Variants in MS4A10 observed in about 807,000 individuals in gnomAD.
MS4A10 encodes the protein membrane spanning 4-domains A10.
MS4A10 carries 27 observed loss-of-function variants against 27.7 expected under a neutral mutation model. That is an observed-to-expected ratio of 0.98 (90% CI 0.72 to 1.35). The LOEUF is 1.35. MS4A10 is among the 40% of genes most tolerant of loss of function. The pLI is 0.00. For missense variants in MS4A10, 338 were observed against 324.7 expected (o/e 1.04, Z -0.32); for synonymous variants, 139 against 131.2 (o/e 1.06, Z -0.41).
intron 1 of MS4A10, among the ~76,000 whole-genome samples, chr11:60,786,934 C>T (rs1854350012): frequency 6.6e-6 from 1 of 152,200 alleles, no homozygotes; most frequent in South Asian, 2.1e-4. Context: ...GTCAAAGCTC[C>T]GGGGAGCAGA....
At position 60,800,229 on chromosome 11, in the gene MS4A10, C is replaced by T; in HGVS notation, c.*320C>T. On this transcript the variant is annotated 3_prime_UTR_variant, in exon 8 of 8. Transcript: ENST00000308287. ...ACAGTGGCACTATCTCAGCTCACTG[C>T]AATCTCCGCCTCCCTGGTTCAAGTG... The T allele has an allele frequency of 3.3e-6, 1 of 305,226 alleles. No homozygotes were observed. The highest frequency in any genetic ancestry group is 6.1e-6 in the Non-Finnish European group (1 of 162,872). The allele number at this position is 305,226 out of a possible 1,614,324, so 18.9% of individuals were successfully genotyped here.
intron 1 of MS4A10, among the ~76,000 whole-genome samples, chr11:60,788,025 G>GAAATAAAT (rs71471805): frequency 3.9e-4 from 59 of 151,126 alleles, no homozygotes; most frequent in African/African-American, 9.3e-4. Flanking sequence ...CTCAAAAATA[G>GAAATAAAT]AAATAAATAA....
rs950997227 is a variant in MS4A10 at position 60,795,763 on chromosome 11, C to T, written c.603+98C>T. On this transcript the variant is annotated intron_variant, in intron 6 of 7. Transcript: ENST00000308287. ...AGATATGTGGGGGTTACAAGAGGAG[C>T]GTGTTTCATTCATTCCTCACGTTGC... 4.5e-5 allele frequency: 30 copies of T among 673,244 alleles called. 1 individual carries two copies. Among genetic ancestry groups the T allele is most frequent in the Non-Finnish European group, 6.0e-5 (27 of 452,034 alleles). The allele number at this position is 673,244 out of a possible 1,614,324, so 41.7% of individuals were successfully genotyped here. A position where few individuals can be genotyped will look rare whatever the true frequency, so the allele number is the denominator to read the frequency against.
chr11:60,797,754 A>G (rs1854553329), intron 6 of MS4A10, among the ~76,000 whole-genome samples: 1 of 152,294 alleles, frequency 6.6e-6, no homozygotes, highest in African/African-American at 2.4e-5. Flanking sequence ...GCTTCTCCCT[A>G]CTGCACTAGC....
chr11:60,792,127 C>G, intron 3 of MS4A10, 138 bp from the exon 4 acceptor site: 1 of 697,566 alleles, frequency 1.4e-6, no homozygotes, highest in Non-Finnish European at 2.5e-6. Flanking sequence ...GAGGAGCTCA[C>G]TTTGCTGGAG....
At chr11:60,790,672 T>C (rs1227700364) in intron 2 of MS4A10, among the ~76,000 whole-genome samples, 154 bp downstream of exon 2, 1 of 152,174 alleles carries the variant, frequency 6.6e-6, no homozygotes, top group African/African-American at 2.4e-5. Flanking sequence ...GCCTTGAAGA[T>C]TGGAGAGAAT....
chr11:60,798,583 A>G, intron 7 of MS4A10, 69 bp downstream of exon 7: 2 of 1,219,890 alleles, frequency 1.6e-6, no homozygotes, highest in Non-Finnish European at 2.4e-6. Context: ...CCTGGCATAG[A>G]TAGAAACCAG....
At chr11:60,796,781 G>C (rs1416949444) in intron 6 of MS4A10, among the ~76,000 whole-genome samples, 2 of 151,926 alleles carry the variant, frequency 1.3e-5, no homozygotes, top group Non-Finnish European at 2.9e-5. Flanking sequence ...TAAAATAGAA[G>C]GCAAGTCTCT....
chr11:60,797,449 C>T (rs921811538), intron 6 of MS4A10, among the ~76,000 whole-genome samples: 1 of 152,116 alleles, frequency 6.6e-6, no homozygotes, highest in East Asian at 1.9e-4. Flanking sequence ...GCATCCCTTC[C>T]GGGGGCATCA....
At chr11:60,792,361 A>G (rs1317515464) in intron 4 of MS4A10, 40 bp downstream of exon 4, 1 of 1,454,572 alleles carries the variant, frequency 6.9e-7, no homozygotes, top group Non-Finnish European at 9.7e-7. Flanking sequence ...CCATCTGAGC[A>G]TGGCATAACT....
At chr11:60,797,153 G>A (rs548155621) in intron 6 of MS4A10, among the ~76,000 whole-genome samples, 1 of 152,170 alleles carries the variant, frequency 6.6e-6, no homozygotes, top group Non-Finnish European at 1.5e-5. Flanking sequence ...AAAGCCAGAT[G>A]GGGGTCTTGA....
chr11:60,792,357 G>C (rs753646280), intron 4 of MS4A10, 36 bp downstream of exon 4: 15 of 1,468,108 alleles, frequency 1.0e-5, no homozygotes, highest in Middle Eastern at 3.4e-4. Context: ...TCTTCCATCT[G>C]AGCATGGCAT....
chr11:60,792,499 C>G (rs1357011265), intron 4 of MS4A10, among the ~76,000 whole-genome samples, 178 bp downstream of exon 4: 1 of 152,134 alleles, frequency 6.6e-6, no homozygotes, highest in Admixed American at 6.5e-5. Flanking sequence ...GACAGGCTGA[C>G]AGACTTGGCT....
At chr11:60,793,872 T>C in intron 4 of MS4A10, 100 bp from the exon 5 acceptor site, 1 of 1,371,354 alleles carries the variant, frequency 7.3e-7, no homozygotes, top group Non-Finnish European at 1.0e-6. Flanking sequence ...GCAGAGTCTC[T>C]CCTGAGGCTA....
intron 3 of MS4A10, 110 bp downstream of exon 3, chr11:60,791,203 T>C: frequency 1.4e-6 from 2 of 1,430,580 alleles, no homozygotes; most frequent in South Asian, 1.3e-5. Flanking sequence ...CTAATAGGAG[T>C]GCGGCAGAAG....
chr11:60,793,869 C>CT, intron 4 of MS4A10, 103 bp from the exon 5 acceptor site: 1 of 1,331,384 alleles, frequency 7.5e-7, no homozygotes. Context: ...CAGGCAGAGT[C>CT]TCTCCTGAGG....
In MS4A10 at chr11:60,800,027, T is replaced by C. The variant is rs1854606132; in HGVS notation, c.*118T>C. 6.6e-7 allele frequency: 1 copy of C among 1,507,510 alleles called. No individual in the cohort carries two copies. Among genetic ancestry groups the C allele is most frequent in the African/African-American group, 1.4e-5 (1 of 71,670 alleles). The allele number at this position is 1,507,510 out of a possible 1,614,324, so 93.4% of individuals were successfully genotyped here. A position where few individuals can be genotyped will look rare whatever the true frequency, so the allele number is the denominator to read the frequency against. ...TACAAAAGGCTAGAGCGATGGTCTATACAGCAAAGTCAGCCCTCACAGCTC... is the reference window on the plus strand; with the variant it reads ...TACAAAAGGCTAGAGCGATGGTCTACACAGCAAAGTCAGCCCTCACAGCTC... On this transcript the variant is annotated 3_prime_UTR_variant, in exon 8 of 8. Transcript: ENST00000308287.
chr11:60,798,323 C>T, intron 6 of MS4A10, 73 bp from the exon 7 acceptor site: 1 of 1,154,554 alleles, frequency 8.7e-7, no homozygotes. Flanking sequence ...AGTGAACTAG[C>T]AGAGAAGTGT....
chr11:60,793,472 A>G (rs952035219), intron 4 of MS4A10, among the ~76,000 whole-genome samples: 2 of 152,196 alleles, frequency 1.3e-5, no homozygotes, highest in African/African-American at 4.8e-5. Context: ...AGGACGATGA[A>G]TACAGGCATT....
Sources: allele counts gnomAD v4.1 joint callset (sites outside exome capture counted in the v4.1 genomes callset), GRCh38; gene constraint gnomAD v4.1.1; transcripts MANE v1.5; gene names NCBI Gene and HGNC (gene_info 2026-07-23, HGNC 2026-07-21).